SNRK: variants seen among roughly 807,000 people sequenced by gnomAD.
SNRK encodes the protein SNF related kinase, also known as SNF-related serine/threonine-protein kinase.
A neutral mutation model predicts 48.2 loss-of-function variants in SNRK; 3 were observed. The observed-to-expected ratio is 0.06, with a 90% CI of 0.03 to 0.16. The LOEUF (loss-of-function observed/expected upper bound fraction) is 0.16, where lower values mean the gene tolerates loss of function less well. SNRK is among the 10% of genes least tolerant of loss of function. The pLI is 1.00. For missense variants in SNRK, 627 were observed against 976.0 expected (o/e 0.64, Z 4.76); for synonymous variants, 376 against 366.1 (o/e 1.03, Z -0.31).
At chr3:43,318,440 CA>C (rs1211795412) in intron 3 of SNRK, among the ~76,000 whole-genome samples, 3 of 151,902 alleles carry the variant, frequency 2.0e-5, no homozygotes. Flanking sequence ...CCACTCAAAA[CA>C]GTAGCTATTT....
intron 4 of SNRK, among the ~76,000 whole-genome samples, chr3:43,333,650 G>A (rs183745543): frequency 6.6e-6 from 1 of 152,216 alleles, no homozygotes. Flanking sequence ...GGATGTTTGT[G>A]ATGCATGTTG....
intron 6 of SNRK, among the ~76,000 whole-genome samples, chr3:43,345,524 T>TA (rs1034332063): frequency 6.6e-6 from 1 of 152,136 alleles, no homozygotes; most frequent in Non-Finnish European, 1.5e-5. Context: ...AGGAGACTGA[T>TA]ATCCAGTCTC....
In SNRK at chr3:43,286,579, C is replaced by T. The variant is rs1007095825; in HGVS notation, c.-265C>T. ...CCCTCCCCGCGGCCGGCAGCCCGCT[C>T]GGTATTATGATTAGCGCTGGGTGCG... On this transcript the variant is annotated 5_prime_UTR_variant, in exon 1 of 7. Transcript: ENST00000296088. 4.0e-5 allele frequency: 6 copies of T among 150,678 alleles called. No homozygotes were observed. The highest frequency in any genetic ancestry group is 7.3e-5 in the African/African-American group (3 of 41,256). 9.3% of individuals were successfully genotyped at this position (150,678 alleles called of 1,614,324 possible).
In SNRK at chr3:43,286,579, C is replaced by G. The variant is rs1007095825; in HGVS notation, c.-265C>G. 1.3e-5 allele frequency: 2 copies of G among 150,786 alleles called. No homozygotes were observed. Among genetic ancestry groups the G allele is most frequent in the Admixed American group, 6.6e-5 (1 of 15,152 alleles). The allele number at this position is 150,786 out of a possible 1,614,324, so 9.3% of individuals were successfully genotyped here. ...CCCTCCCCGCGGCCGGCAGCCCGCT[C>G]GGTATTATGATTAGCGCTGGGTGCG... On this transcript the variant is annotated 5_prime_UTR_variant, in exon 1 of 7. Coordinates refer to ENST00000296088, the MANE Select transcript of SNRK (RefSeq NM_017719.5).
chr3:43,334,944 G>T (rs1306583668), intron 4 of SNRK, among the ~76,000 whole-genome samples: 18 of 150,560 alleles, frequency 1.2e-4, no homozygotes, highest in African/African-American at 4.1e-4. Context: ...TGGATATATT[G>T]TCCTTTTTAA....
At chr3:43,288,033 T>C (rs2090779784) in intron 1 of SNRK, among the ~76,000 whole-genome samples, 1 of 152,260 alleles carries the variant, frequency 6.6e-6, no homozygotes, top group South Asian at 2.1e-4. Context: ...ACCAAATTTT[T>C]AATCTGATTA....
intron 3 of SNRK, among the ~76,000 whole-genome samples, chr3:43,308,930 G>A (rs1004521509): frequency 3.9e-5 from 6 of 152,230 alleles, no homozygotes; most frequent in African/African-American, 1.4e-4. Context: ...CTCATGGGAG[G>A]AGGTCAGAAT....
chr3:43,313,332 GTTAA>G (rs1280594021), intron 3 of SNRK, among the ~76,000 whole-genome samples: 3 of 152,092 alleles, frequency 2.0e-5, no homozygotes, highest in African/African-American at 7.2e-5. Context: ...CCTTCAACAT[GTTAA>G]TTGTTATACT....
intron 3 of SNRK, among the ~76,000 whole-genome samples, chr3:43,328,002 CT>C (rs977880789): frequency 1.3e-5 from 2 of 150,480 alleles, no homozygotes; most frequent in Non-Finnish European, 3.0e-5. Flanking sequence ...TAAATATTTC[CT>C]TTTTTTCATT....
At chr3:43,331,318 A>G (rs1257869425) in intron 3 of SNRK, among the ~76,000 whole-genome samples, 1 of 152,114 alleles carries the variant, frequency 6.6e-6, no homozygotes, top group African/African-American at 2.4e-5. Flanking sequence ...TCATTTTCCC[A>G]TATGATTGAT....
At chr3:43,297,900 G>A (rs1408403669) in intron 1 of SNRK, among the ~76,000 whole-genome samples, 1 of 152,128 alleles carries the variant, frequency 6.6e-6, no homozygotes, top group Non-Finnish European at 1.5e-5. Flanking sequence ...AAACTGAACA[G>A]CAGTTCAGTT....
Position 43,303,334 on chromosome 3 carries a change from T to C in SNRK, c.131T>C (p.Val44Ala). 3 of 1,614,094 alleles carry C rather than the reference T, an allele frequency of 1.9e-6. No homozygotes were observed. Among genetic ancestry groups the C allele is most frequent in the Non-Finnish European group, 2.5e-6 (3 of 1,180,000 alleles). ...RHVFTGEKVA[V>A]KVIDKTKLDT... Reference sequence around the variant, plus strand: ...GTCTTTACGGGTGAAAAGGTGGCAGTAAAAGTTATTGACAAGACAAAACTG... The same window carrying C: ...GTCTTTACGGGTGAAAAGGTGGCAGCAAAAGTTATTGACAAGACAAAACTG... Residue 44 changes from valine to alanine, a missense_variant, in exon 3 of 7, where the codon GTA (valine) becomes GCA (alanine). By Grantham distance (64) the Val-to-Ala change is moderately conservative (BLOSUM62 0). This residue lies in a region of SNRK where 147 missense variants were observed against 356.8 expected (regional missense o/e 0.41). Transcript: ENST00000296088. This position sits in a 1 kb window ranked among gnomAD's most constrained non-coding sequence, Gnocchi z 6.2.
intron 6 of SNRK, among the ~76,000 whole-genome samples, chr3:43,344,551 GCAGA>G (rs1338038139): frequency 3.9e-4 from 59 of 152,270 alleles, no homozygotes; most frequent in African/African-American, 1.2e-3. Context: ...GGGTGGAATG[GCAGA>G]GTAGGGGGAG....
chr3:43,337,780 A>G (rs1016011949), intron 4 of SNRK, among the ~76,000 whole-genome samples: 5 of 152,168 alleles, frequency 3.3e-5, no homozygotes, highest in African/African-American at 9.7e-5. Flanking sequence ...AGGAGAAGCT[A>G]CTGAACACTT....
In SNRK at chr3:43,348,558, CTG is replaced by C. The variant is rs765301963; in HGVS notation, c.*4_*5del. The C allele has an allele frequency of 9.8e-6, 15 of 1,528,152 alleles. No homozygotes were observed. The highest frequency in any genetic ancestry group is 2.8e-5 in the African/African-American group (2 of 72,162). The allele number at this position is 1,528,152 out of a possible 1,614,324, so 94.7% of individuals were successfully genotyped here. ...AGCCAGCTGTTGCCATGTCATCTGA[CTG>C]TGGCCCCATCTGGCCGCTAGCACGC... On this transcript the variant is annotated 3_prime_UTR_variant, in exon 7 of 7. Transcript: ENST00000296088.
intron 2 of SNRK, among the ~76,000 whole-genome samples, chr3:43,302,839 C>T (rs560355707): frequency 2.6e-5 from 4 of 152,078 alleles, no homozygotes; most frequent in African/African-American, 9.6e-5. Flanking sequence ...TCTTATTACT[C>T]ACATCACCAA....
At chr3:43,286,760 C>T (rs1422558882) in intron 1 of SNRK, 85 bp downstream of exon 1, 1 of 148,070 alleles carries the variant, frequency 6.8e-6, no homozygotes, top group Non-Finnish European at 1.5e-5. Context: ...GTAGCCTCCG[C>T]TGTTGCCGGG....
intron 3 of SNRK, among the ~76,000 whole-genome samples, chr3:43,322,444 T>A (rs1390595791): frequency 2.6e-5 from 4 of 152,192 alleles, no homozygotes; most frequent in African/African-American, 9.6e-5. Context: ...AAAATTATAA[T>A]GCAAACAAGT....
chr3:43,331,071 G>C (rs2091142640), intron 3 of SNRK, among the ~76,000 whole-genome samples: 1 of 152,206 alleles, frequency 6.6e-6, no homozygotes, highest in Non-Finnish European at 1.5e-5. Flanking sequence ...GGTGTTTTAA[G>C]TTTAAATGGA....
Sources: allele counts gnomAD v4.1 joint callset (sites outside exome capture counted in the v4.1 genomes callset), GRCh38; gene constraint gnomAD v4.1.1; regional missense constraint gnomAD v4.1.1; non-coding constraint Gnocchi (gnomAD v3.1); transcripts MANE v1.5; gene names NCBI Gene and HGNC (gene_info 2026-07-23, HGNC 2026-07-21).